The following CHST9 variants were observed in gnomAD, a reference collection of about 807,000 sequenced individuals.
CHST9 encodes carbohydrate sulfotransferase 9.
A neutral mutation model predicts 44.4 loss-of-function variants in CHST9; 41 were observed. The ratio of observed to expected loss-of-function variants is 0.92; its 90% CI spans 0.72 to 1.20. CHST9 has a LOEUF of 1.20. Ranked by LOEUF, CHST9 falls within the 50% of genes most tolerant of loss-of-function variation. The probability of loss-of-function intolerance (pLI) is 0.00; values close to 1 mark genes in which losing one functional copy is unlikely to be tolerated. For missense variants in CHST9, 504 were observed against 516.5 expected, an observed-to-expected ratio of 0.98 and a Z score of 0.23; for synonymous variants, 171 against 178.4, an observed-to-expected ratio of 0.96 and a Z score of 0.33.
chr18:26,944,359 T>C lies in CHST9; in HGVS notation c.210A>G (p.Thr70=), dbSNP rs1307774153. 6.2e-7 allele frequency: 1 copy of C among 1,607,040 alleles called. No homozygotes were observed. The highest frequency in any genetic ancestry group is 1.3e-5 in the African/African-American group (1 of 74,770). ...YLRPVPRIMS[T]EKIQEHITNQ... ...TGGTGATATGTTCCTGGATTTTTTC[T>C]GTACTCACTGAAAGAGAAAGCAAAA... The change falls in exon 5 of 6, where the codon ACA becomes ACG. Residue 70 remains threonine, a synonymous_variant. Transcript: ENST00000618847.
intron 2 of CHST9, among the ~76,000 whole-genome samples, chr18:27,053,628 C>G (rs898079763): frequency 6.6e-6 from 1 of 152,124 alleles, no homozygotes; most frequent in Non-Finnish European, 1.5e-5. Flanking sequence ...GTAATCCAAT[C>G]ACTCCTAAAC....
intron 4 of CHST9, among the ~76,000 whole-genome samples, chr18:26,960,150 C>A (rs1016623135): frequency 6.6e-6 from 1 of 152,142 alleles, no homozygotes; most frequent in Non-Finnish European, 1.5e-5. Context: ...AAACATCCCA[C>A]AGGAGGCAGA....
intron 2 of CHST9, among the ~76,000 whole-genome samples, chr18:27,128,591 A>C (rs893569596): frequency 6.6e-6 from 1 of 152,164 alleles, no homozygotes; most frequent in Non-Finnish European, 1.5e-5. Flanking sequence ...TGAATCCAGG[A>C]ACAGTAAATT....
chr18:26,966,975 G>C (rs1160158795), intron 4 of CHST9, among the ~76,000 whole-genome samples: 2 of 151,490 alleles, frequency 1.3e-5, no homozygotes, highest in Non-Finnish European at 2.9e-5. Flanking sequence ...ATCTCGGGTT[G>C]GCCTGGGGAC....
chr18:27,125,981 A>G (rs963607804), intron 2 of CHST9, among the ~76,000 whole-genome samples: 4 of 152,230 alleles, frequency 2.6e-5, no homozygotes, highest in Non-Finnish European at 4.4e-5. Flanking sequence ...ACTAATCTGA[A>G]TAGTAAATTG....
At chr18:27,075,226 G>C (rs938786462) in intron 2 of CHST9, among the ~76,000 whole-genome samples, 4 of 149,830 alleles carry the variant, frequency 2.7e-5, no homozygotes, top group Non-Finnish European at 5.9e-5. Flanking sequence ...GAGCTCCAGT[G>C]GTGGGTTGAT....
chr18:27,053,665 A>G (rs2057615868), intron 2 of CHST9, among the ~76,000 whole-genome samples: 1 of 152,130 alleles, frequency 6.6e-6, no homozygotes, highest in South Asian at 2.1e-4. Flanking sequence ...CTTAATATAA[A>G]ATTTATGACC....
intron 4 of CHST9, among the ~76,000 whole-genome samples, chr18:26,958,316 G>A (rs1333974739): frequency 1.3e-5 from 2 of 151,962 alleles, no homozygotes; most frequent in Non-Finnish European, 2.9e-5. Context: ...AGTTGTTTAC[G>A]TTCTTTGACT....
intron 4 of CHST9, among the ~76,000 whole-genome samples, chr18:26,955,419 T>G (rs1053752539): frequency 2.6e-5 from 4 of 152,196 alleles, no homozygotes; most frequent in African/African-American, 9.7e-5. Flanking sequence ...TACCCAAATT[T>G]CTACCATTTT....
At chr18:27,095,069 A>C (rs940227916) in intron 2 of CHST9, among the ~76,000 whole-genome samples, 2 of 152,192 alleles carry the variant, frequency 1.3e-5, no homozygotes, top group Non-Finnish European at 2.9e-5. Flanking sequence ...CTTCAAAATG[A>C]GGTAGTGTAT....
At chr18:26,945,932 C>T (rs181980403) in intron 4 of CHST9, among the ~76,000 whole-genome samples, 2 of 152,176 alleles carry the variant, frequency 1.3e-5, no homozygotes, top group Non-Finnish European at 2.9e-5. Context: ...GTTAAGTATT[C>T]AGTACCAAGC....
chr18:27,021,060 T>C (rs552836162), intron 4 of CHST9, among the ~76,000 whole-genome samples: 3 of 152,316 alleles, frequency 2.0e-5, no homozygotes, highest in South Asian at 2.1e-4. Context: ...TTTACCTTTC[T>C]ATTTCAGAGG....
At chr18:26,989,834 T>C (rs1786613) in intron 4 of CHST9, among the ~76,000 whole-genome samples, 101,000 of 151,952 alleles carry the variant, frequency 0.66, 34,356 homozygotes, top group African/African-American at 0.81. Flanking sequence ...CCTGTAATCC[T>C]GGCTACTCAG....
chr18:26,955,526 G>A (rs1278015090), intron 4 of CHST9, among the ~76,000 whole-genome samples: 2 of 152,102 alleles, frequency 1.3e-5, no homozygotes, highest in Non-Finnish European at 2.9e-5. Context: ...GTGTAGCAAG[G>A]AAGCCTTGGG....
At chr18:26,990,003 A>G (rs2056797931) in intron 4 of CHST9, among the ~76,000 whole-genome samples, 1 of 152,072 alleles carries the variant, frequency 6.6e-6, no homozygotes, top group African/African-American at 2.4e-5. Context: ...AAAGTTCATC[A>G]ACAGGAGAAT....
At chr18:27,140,148 T>G (rs1333755587) in intron 2 of CHST9, among the ~76,000 whole-genome samples, 4 of 152,190 alleles carry the variant, frequency 2.6e-5, no homozygotes, top group African/African-American at 9.6e-5. Context: ...TTTTCCTTCA[T>G]GGAAGTGATA....
chr18:27,037,409 C>T (rs1371688453), intron 3 of CHST9, among the ~76,000 whole-genome samples: 4 of 152,114 alleles, frequency 2.6e-5, no homozygotes, highest in South Asian at 2.1e-4. Context: ...CAAACAAATG[C>T]CTGGGCATGG....
chr18:27,146,907 C>T (rs953913418), intron 1 of CHST9, among the ~76,000 whole-genome samples: 1 of 152,058 alleles, frequency 6.6e-6, no homozygotes, highest in Non-Finnish European at 1.5e-5. Flanking sequence ...TTATTTCATT[C>T]TGTCATCTCT....
chr18:27,101,524 G>A (rs1379989813), intron 2 of CHST9, among the ~76,000 whole-genome samples: 1 of 151,948 alleles, frequency 6.6e-6, no homozygotes, highest in Non-Finnish European at 1.5e-5. Flanking sequence ...GCCGGAGAAT[G>A]GAGTGAACCC....
Sources: allele counts gnomAD v4.1 joint callset (sites outside exome capture counted in the v4.1 genomes callset), GRCh38; gene constraint gnomAD v4.1.1; transcripts MANE v1.5; gene names NCBI Gene and HGNC (gene_info 2026-07-23, HGNC 2026-07-21).